The following APBB2 variants were observed in gnomAD, a reference collection of about 807,000 sequenced individuals.
APBB2 encodes amyloid beta precursor protein binding family B member 2.
Under a neutral mutation model 82.5 loss-of-function variants are expected in APBB2, and 38 were observed. That is an observed-to-expected ratio of 0.46 (90% CI 0.36 to 0.60). The LOEUF (loss-of-function observed/expected upper bound fraction) is 0.60. APBB2 is among the 20% of genes least tolerant of loss of function. The pLI is 0.00. For missense variants in APBB2, 772 were observed against 972.3 expected (o/e 0.79, Z 2.74); for synonymous variants, 341 against 368.2 (o/e 0.93, Z 0.85).
intron 6 of APBB2, among the ~76,000 whole-genome samples, chr4:41,010,977 T>C (rs1808179951): frequency 6.6e-6 from 1 of 152,094 alleles, no homozygotes; most frequent in African/African-American, 2.4e-5. Context: ...CCCAATTATT[T>C]TGGAGAAAAT....
intron 12 of APBB2, among the ~76,000 whole-genome samples, chr4:40,878,443 G>A (rs1430638592): frequency 6.6e-6 from 1 of 152,150 alleles, no homozygotes; most frequent in Non-Finnish European, 1.5e-5. Context: ...AGGCACCTGT[G>A]TCTGCTTGGC....
Position 41,014,264 on chromosome 4 carries a change from C to G in APBB2, c.154G>C (p.Glu52Gln), listed in dbSNP as rs1437081716. 6.2e-7 allele frequency: 1 copy of G among 1,614,126 alleles called. No individual in the cohort carries two copies. Among genetic ancestry groups the G allele is most frequent in the East Asian group, 2.2e-5 (1 of 44,878 alleles). The change falls in exon 6 of 18, where the codon GAA becomes CAA. Residue 52 changes from glutamate (E) to glutamine (Q), a missense_variant. Glu to Gln is a conservative substitution (Grantham distance 29). Transcript: ENST00000508593. ...RSSHNELLNA[E>Q]IKHTETKNST... is the part of the protein sequence containing the mutation. Reference sequence around the variant, plus strand: ...TTCTTGGTTTCTGTGTGTTTTATTTCAGCGTTCAACAGTTCATTGTGGGAG... The same window carrying G: ...TTCTTGGTTTCTGTGTGTTTTATTTGAGCGTTCAACAGTTCATTGTGGGAG...
intron 10 of APBB2, among the ~76,000 whole-genome samples, chr4:40,906,489 G>GAAAAAAAAAAAAAAAAAAAAAC (rs1776782980): frequency 8.2e-6 from 1 of 122,528 alleles, no homozygotes. Flanking sequence ...AAAAAAAAAA[G>GAAAAAAAAAAAAAAAAAAAAAC]AAAAGAAAAG....
At chr4:41,112,521 G>C (rs1580137219) in intron 2 of APBB2, among the ~76,000 whole-genome samples, 2 of 152,336 alleles carry the variant, frequency 1.3e-5, no homozygotes, top group African/African-American at 4.8e-5. Context: ...TCTCACTGCA[G>C]GATATGGGTT....
chr4:41,006,315 T>G (rs1405322802), intron 6 of APBB2, among the ~76,000 whole-genome samples: 1 of 152,200 alleles, frequency 6.6e-6, no homozygotes, highest in Non-Finnish European at 1.5e-5. Flanking sequence ...TCTGCCTTCT[T>G]GAATTCTTCC....
At chr4:41,141,318 GTGTGTGTGTGTGTC>G (rs915463187) in intron 2 of APBB2, among the ~76,000 whole-genome samples, 8 of 32,010 alleles carry the variant, frequency 2.5e-4, no homozygotes, top group African/African-American at 5.6e-4. Context: ...GTGTGTCTGT[GTGTGTGTGTGTGTC>G]TGTGTGTGTG....
intron 1 of APBB2, among the ~76,000 whole-genome samples, chr4:41,143,980 T>C (rs891798789): frequency 3.9e-5 from 6 of 152,238 alleles, no homozygotes; most frequent in African/African-American, 1.4e-4. Context: ...AAATAACTTA[T>C]GCTCACTGGT....
At chr4:40,903,801 C>G (rs1331042703) in intron 10 of APBB2, among the ~76,000 whole-genome samples, 2 of 152,170 alleles carry the variant, frequency 1.3e-5, no homozygotes, top group African/African-American at 2.4e-5. Flanking sequence ...ATCCCGGCTG[C>G]TGCCTATGCT....
intron 10 of APBB2, among the ~76,000 whole-genome samples, chr4:40,916,957 C>T (rs533232339): frequency 2.0e-5 from 3 of 152,152 alleles, no homozygotes; most frequent in Non-Finnish European, 4.4e-5. Context: ...ACACAGCCTG[C>T]AGGCCATGAT....
chr4:41,145,298 G>A (rs1760409949), intron 1 of APBB2, among the ~76,000 whole-genome samples: 2 of 152,018 alleles, frequency 1.3e-5, no homozygotes, highest in Admixed American at 1.3e-4. Context: ...GCTCTAATAA[G>A]CCCGTGCCCA....
At chr4:41,163,594 T>C (rs913546820) in intron 1 of APBB2, among the ~76,000 whole-genome samples, 3 of 152,198 alleles carry the variant, frequency 2.0e-5, no homozygotes, top group Non-Finnish European at 4.4e-5. Flanking sequence ...TTTCAGATCA[T>C]AAACAAGCGT....
intron 3 of APBB2, among the ~76,000 whole-genome samples, chr4:41,098,203 A>T (rs1744214398): frequency 6.6e-6 from 1 of 150,726 alleles, no homozygotes; most frequent in African/African-American, 2.4e-5. Context: ...TTTTTTTTTT[A>T]GAGTCAGGAT....
intron 17 of APBB2, among the ~76,000 whole-genome samples, chr4:40,819,822 T>C (rs1329331781): frequency 2.6e-5 from 4 of 152,056 alleles, no homozygotes. Flanking sequence ...TTTTCTTATT[T>C]ATTTTTTTGA....
rs536687941 is a variant in APBB2 at position 41,152,529 on chromosome 4, C to T, written c.-416-9387G>A. ...ATTTTTAGTAGAGACGGGATTTCAC[C>T]GTGTTAGCCAGGATGGTCTCGATCT... On this transcript the variant is annotated intron_variant, in intron 1 of 17. Coordinates refer to ENST00000508593, the MANE Select transcript of APBB2 (RefSeq NM_004307.2). Among the ~76,000 whole-genome samples the T allele has an allele frequency of 1.5e-3, 223 of 152,094 alleles. 2 individuals carry two copies. The highest frequency in any genetic ancestry group is 5.3e-3 in the African/African-American group (218 of 41,492).
intron 10 of APBB2, among the ~76,000 whole-genome samples, chr4:40,904,926 C>T (rs1213610608): frequency 6.6e-6 from 1 of 152,094 alleles, no homozygotes; most frequent in South Asian, 2.1e-4. Context: ...CCATTTCCCC[C>T]AGACTGTCTA....
At chr4:40,896,223 C>T (rs1245637516) in intron 10 of APBB2, among the ~76,000 whole-genome samples, 1 of 152,188 alleles carries the variant, frequency 6.6e-6, no homozygotes, top group Non-Finnish European at 1.5e-5. Context: ...CACCACCGTG[C>T]CCGGCTAATG....
rs144850010 is a variant in APBB2 at position 41,052,866 on chromosome 4, C to T, written c.-51+12710G>A. ...GCAACCTCTGCCTCCTGGGTTCAAG[C>T]GATTCTTCTGCCTCAGCCTCCTGAG... On this transcript the variant is annotated intron_variant, in intron 4 of 17. Coordinates refer to ENST00000508593, the MANE Select transcript of APBB2 (RefSeq NM_004307.2). 1.7e-4 allele frequency among the ~76,000 whole-genome samples: 25 copies of T among 151,344 alleles called. 1 individual carries two copies. Among genetic ancestry groups the T allele is most frequent in the African/African-American group, 2.9e-4 (12 of 41,240 alleles).
chr4:41,167,859 CAAG>C (rs1255669007), intron 1 of APBB2, among the ~76,000 whole-genome samples: 1 of 152,298 alleles, frequency 6.6e-6, no homozygotes, highest in Admixed American at 6.5e-5. Flanking sequence ...CATCTTGCCA[CAAG>C]GAGGAGAGCT....
chr4:40,960,195 T>C (rs1792713502), intron 6 of APBB2, among the ~76,000 whole-genome samples: 1 of 152,130 alleles, frequency 6.6e-6, no homozygotes, highest in Non-Finnish European at 1.5e-5. Flanking sequence ...GAGATTATGT[T>C]GTGAAAACAT....
Sources: allele counts gnomAD v4.1 joint callset (sites outside exome capture counted in the v4.1 genomes callset), GRCh38; gene constraint gnomAD v4.1.1; transcripts MANE v1.5; gene names NCBI Gene and HGNC (gene_info 2026-07-23, HGNC 2026-07-21).